Variants in NCALD observed in about 807,000 individuals in gnomAD.
The protein encoded by NCALD is neurocalcin delta.
Under a neutral mutation model 18.6 loss-of-function variants are expected in NCALD, and 10 were observed. The ratio of observed to expected loss-of-function variants is 0.54; its 90% CI spans 0.33 to 0.91. NCALD has a LOEUF of 0.91. NCALD is among the 40% of genes least tolerant of loss of function. The pLI is 0.03. For synonymous variants in NCALD, 88 were observed against 87.4 expected, an observed-to-expected ratio of 1.01 and a Z score of -0.04; for missense variants, 184 against 247.6, an observed-to-expected ratio of 0.74 and a Z score of 1.72.
intron 2 of NCALD, among the ~76,000 whole-genome samples, chr8:101,927,203 T>C (rs934461206): frequency 1.1e-4 from 16 of 152,300 alleles, no homozygotes; most frequent in Middle Eastern, 3.4e-3. Flanking sequence ...AGTTTATTAT[T>C]CATTCATTAT....
chr8:101,891,948 A>C (rs995842816), intron 3 of NCALD, among the ~76,000 whole-genome samples: 65 of 152,302 alleles, frequency 4.3e-4, no homozygotes, highest in Admixed American at 6.5e-4. Flanking sequence ...GGGCGCCCGC[A>C]ATTGCCCAGG....
chr8:101,950,813 A>G (rs969608998), intron 2 of NCALD, among the ~76,000 whole-genome samples: 10 of 152,222 alleles, frequency 6.6e-5, no homozygotes, highest in African/African-American at 1.7e-4. Flanking sequence ...AAGCCCAACC[A>G]AGCTCAGACG....
At chr8:101,997,705 A>G (rs1821288473) in intron 2 of NCALD, among the ~76,000 whole-genome samples, 2 of 152,160 alleles carry the variant, frequency 1.3e-5, no homozygotes, top group African/African-American at 4.8e-5. Flanking sequence ...TTTCAGCTCT[A>G]TTTCTCTGAG....
chr8:101,881,426 C>T (rs1563853982), intron 4 of NCALD, among the ~76,000 whole-genome samples: 1 of 152,176 alleles, frequency 6.6e-6, no homozygotes, highest in African/African-American at 2.4e-5. Context: ...AACCAGTATA[C>T]TATTATAATA....
chr8:102,065,744 TGGGA>T (rs545518428), intron 1 of NCALD, among the ~76,000 whole-genome samples: 34 of 152,240 alleles, frequency 2.2e-4, no homozygotes, highest in Admixed American at 4.6e-4. Context: ...TTTGGGAGGC[TGGGA>T]GGATCGCTTG....
intron 2 of NCALD, among the ~76,000 whole-genome samples, chr8:101,938,542 G>A (rs751986483): frequency 3.9e-4 from 59 of 152,076 alleles, no homozygotes; most frequent in Non-Finnish European, 6.5e-4. Context: ...CACATATATC[G>A]GGATAATAAT....
chr8:101,938,033 T>G (rs754899134), intron 2 of NCALD, among the ~76,000 whole-genome samples: 1 of 152,218 alleles, frequency 6.6e-6, no homozygotes, highest in Non-Finnish European at 1.5e-5. Context: ...GTCTAGTGCA[T>G]GCTCCTGCTC....
At chr8:101,773,360 T>A (rs914106242) in intron 1 of NCALD, among the ~76,000 whole-genome samples, 1 of 152,194 alleles carries the variant, frequency 6.6e-6, no homozygotes. Context: ...AATCTAGCTC[T>A]ACTACAGCTC....
chr8:101,910,494 C>T (rs1817757469), intron 3 of NCALD, among the ~76,000 whole-genome samples: 1 of 152,058 alleles, frequency 6.6e-6, no homozygotes, highest in Non-Finnish European at 1.5e-5. Context: ...TCCCAGACTG[C>T]CACAGCCACG....
At chr8:101,793,569 T>C (rs1004809482), upstream of NCALD, among the ~76,000 whole-genome samples, 1 of 152,166 alleles carries the variant, frequency 6.6e-6, no homozygotes, top group Non-Finnish European at 1.5e-5. Flanking sequence ...ATGATGGTGA[T>C]CTCTTTAGAG....
At chr8:102,115,203 C>T (rs1460029011) in intron 1 of NCALD, among the ~76,000 whole-genome samples, 1 of 152,230 alleles carries the variant, frequency 6.6e-6, no homozygotes, top group Non-Finnish European at 1.5e-5. Context: ...GTAAGTATCA[C>T]AGTATTCCGA....
At position 102,091,546 on chromosome 8, in the gene NCALD, G is replaced by A. The variant is rs548089308; in HGVS notation, c.-210+32691C>T. On this transcript the variant is annotated intron_variant, in intron 1 of 6. Coordinates refer to the NCALD transcript ENST00000311028. Reference sequence around the variant, plus strand: ...CATCTAGCAACCCCATATCAGCATGGTTTCAACAGTTGGCCAGTTCATGGA... The same window carrying A: ...CATCTAGCAACCCCATATCAGCATGATTTCAACAGTTGGCCAGTTCATGGA... Among the ~76,000 whole-genome samples, 4 of 152,238 alleles carry A rather than the reference G, an allele frequency of 2.6e-5. No individual in the cohort carries two copies. The East Asian group carries it at 7.7e-4, about 29-fold the overall frequency.
chr8:101,783,005 G>A (rs1297061111), intron 1 of NCALD, among the ~76,000 whole-genome samples: 1 of 152,210 alleles, frequency 6.6e-6, no homozygotes, highest in Non-Finnish European at 1.5e-5. Context: ...TATCTTGGAT[G>A]AGATGGGATA....
intron 1 of NCALD, among the ~76,000 whole-genome samples, chr8:102,036,763 A>T (rs1472455950): frequency 2.6e-5 from 4 of 151,374 alleles, no homozygotes; most frequent in Non-Finnish European, 2.9e-5. Flanking sequence ...TGATATCTCA[A>T]AAAACAACAA....
chr8:102,023,457 CTT>C lies in NCALD; in HGVS notation c.-209-3170_-209-3169del, dbSNP rs1375170468. On this transcript the variant is annotated intron_variant, in intron 1 of 6. Coordinates refer to the NCALD transcript ENST00000311028. ...GATTTTTACAAAGTGAATGAAGACT[CTT>C]TGATTTCTGGCAAAGACAAATAAAT... Among the ~76,000 whole-genome samples the C allele has an allele frequency of 5.9e-5, 9 of 152,310 alleles. 1 individual carries two copies. In the South Asian group the frequency reaches 1.7e-3, roughly 28 times the overall value.
chr8:102,078,203 A>G (rs1824410138), intron 1 of NCALD, among the ~76,000 whole-genome samples: 1 of 151,888 alleles, frequency 6.6e-6, no homozygotes, highest in Admixed American at 6.6e-5. Flanking sequence ...TTATCACACC[A>G]TGCCCAACTC....
chr8:101,977,615 C>T (rs769640331), intron 2 of NCALD, among the ~76,000 whole-genome samples: 19 of 152,304 alleles, frequency 1.2e-4, no homozygotes, highest in Non-Finnish European at 1.6e-4. Context: ...CCATTAAAGG[C>T]CACACAGTTG....
chr8:101,851,675 T>C (rs371446162), intron 4 of NCALD, among the ~76,000 whole-genome samples: 8 of 152,286 alleles, frequency 5.3e-5, no homozygotes, highest in African/African-American at 1.9e-4. Flanking sequence ...CCCATTAGTA[T>C]TCTTAGCAGC....
At chr8:101,723,007 G>A (rs971508922) in intron 1 of NCALD, among the ~76,000 whole-genome samples, 3 of 152,224 alleles carry the variant, frequency 2.0e-5, no homozygotes, top group Non-Finnish European at 4.4e-5. Flanking sequence ...CTTAGGTGGT[G>A]AGGAGGAAGA....
Sources: allele counts gnomAD v4.1 joint callset (sites outside exome capture counted in the v4.1 genomes callset), GRCh38; gene constraint gnomAD v4.1.1; transcripts MANE v1.5; gene names NCBI Gene and HGNC (gene_info 2026-07-23, HGNC 2026-07-21).